The following CADPS2 variants were observed in gnomAD, a reference collection of about 807,000 sequenced individuals.
CADPS2 encodes the protein calcium-dependent secretion activator 2.
A neutral mutation model predicts 172.5 loss-of-function variants in CADPS2; 93 were observed. The observed-to-expected ratio is 0.54, with a 90% confidence interval of 0.46 to 0.64. The LOEUF is 0.64. Among genes scored for constraint, CADPS2 ranks in the 30% least tolerant of loss-of-function variants. The pLI, the probability that CADPS2 is intolerant of heterozygous loss-of-function variation, is 0.00. For missense variants in CADPS2, 1,420 were observed against 1,565.9 expected, an observed-to-expected ratio of 0.91 and a Z score of 1.57; for synonymous variants, 546 against 555.2, an observed-to-expected ratio of 0.98 and a Z score of 0.23.
At chr7:122,759,847 A>G (rs1235626326) in intron 1 of CADPS2, among the ~76,000 whole-genome samples, 2 of 152,138 alleles carry the variant, frequency 1.3e-5, no homozygotes, top group African/African-American at 4.8e-5. Flanking sequence ...AAAACTAGCT[A>G]GCAAAGGAAG....
intron 27 of CADPS2, among the ~76,000 whole-genome samples, chr7:122,352,517 C>T (rs892779563): frequency 1.3e-5 from 2 of 152,150 alleles, no homozygotes; most frequent in African/African-American, 4.8e-5. Flanking sequence ...ACAGACAAAA[C>T]ACAAAGGAAT....
chr7:122,719,324 A>G (rs1157287158), intron 2 of CADPS2, among the ~76,000 whole-genome samples: 1 of 152,108 alleles, frequency 6.6e-6, no homozygotes, highest in Non-Finnish European at 1.5e-5. Flanking sequence ...GAAGTCCCCA[A>G]CACAGCCTTC....
chr7:122,573,486 G>T (rs918708230), intron 7 of CADPS2, among the ~76,000 whole-genome samples: 2 of 152,110 alleles, frequency 1.3e-5, no homozygotes, highest in African/African-American at 4.8e-5. Flanking sequence ...GCTGCAGTAA[G>T]CCATGCTCTC....
intron 3 of CADPS2, among the ~76,000 whole-genome samples, chr7:122,655,426 G>A (rs952382201): frequency 4.6e-5 from 7 of 152,016 alleles, no homozygotes; most frequent in Admixed American, 4.6e-4. Context: ...ACATCAAGGC[G>A]AGACCCTCTA....
intron 17 of CADPS2, chr7:122,427,446 C>CCACAA (rs1274617804): frequency 6.6e-6 from 1 of 152,050 alleles, no homozygotes; most frequent in Non-Finnish European, 1.5e-5. Context: ...ATAAAGAGTA[C>CCACAA]TAAATTTATA....
rs1456831165 is a variant in CADPS2, at chr7:122,319,806, C to G, written c.*359G>C. On this transcript the variant is annotated 3_prime_UTR_variant, in exon 30 of 30. Coordinates refer to ENST00000449022, the MANE Select transcript of CADPS2 (RefSeq NM_017954.11). ...TGCATTATGAGAAATATGTATCTCG[C>G]TTTACACAGAAAACATCATTTTGAT... 2.7e-5 allele frequency: 5 copies of G among 184,304 alleles called. No individual in the cohort carries two copies. Among genetic ancestry groups the G allele is most frequent in the Non-Finnish European group, 5.6e-5 (5 of 89,886 alleles). The allele number at this position is 184,304 out of a possible 1,614,324, so 11.4% of individuals were successfully genotyped here.
chr7:122,784,633 G>C (rs1256010502), intron 1 of CADPS2, among the ~76,000 whole-genome samples: 2 of 152,126 alleles, frequency 1.3e-5, no homozygotes, highest in African/African-American at 2.4e-5. Flanking sequence ...GTGTGTGGAT[G>C]CCCCATCTTC....
chr7:122,864,730 T>A (rs1047654528), intron 1 of CADPS2, among the ~76,000 whole-genome samples: 3 of 152,206 alleles, frequency 2.0e-5, no homozygotes, highest in Admixed American at 6.5e-5. Context: ...GTATACTATT[T>A]AAATTACAAA....
chr7:122,820,078 AT>A (rs1302773701), intron 1 of CADPS2, among the ~76,000 whole-genome samples: 1 of 152,172 alleles, frequency 6.6e-6, no homozygotes, highest in East Asian at 1.9e-4. Context: ...AATCAACCAA[AT>A]TGTTTTGCCT....
At chr7:122,876,211 T>G (rs1821164618) in intron 1 of CADPS2, among the ~76,000 whole-genome samples, 1 of 151,998 alleles carries the variant, frequency 6.6e-6, no homozygotes, top group South Asian at 2.1e-4. Context: ...TCCCAGCTAC[T>G]TGGGAGGCTG....
At chr7:122,689,626 AGG>A in intron 2 of CADPS2, among the ~76,000 whole-genome samples, 1 of 152,332 alleles carries the variant, frequency 6.6e-6, no homozygotes, top group South Asian at 2.1e-4. Flanking sequence ...GGCCACCCTC[AGG>A]TACAGTCCAA....
chr7:122,675,769 T>C (rs1031546292), intron 2 of CADPS2, among the ~76,000 whole-genome samples: 32 of 152,042 alleles, frequency 2.1e-4, no homozygotes, highest in African/African-American at 7.5e-4. Flanking sequence ...AGCTAAACAA[T>C]GAGAACACAT....
chr7:122,431,922 G>A (rs2049978523), intron 17 of CADPS2, among the ~76,000 whole-genome samples: 1 of 141,562 alleles, frequency 7.1e-6, no homozygotes. Flanking sequence ...CTTCATCGGG[G>A]GCGGGGGTGG....
intron 8 of CADPS2, among the ~76,000 whole-genome samples, chr7:122,517,959 A>G (rs909875772): frequency 2.0e-5 from 3 of 151,836 alleles, no homozygotes; most frequent in Admixed American, 1.3e-4. Context: ...TTGAATTACT[A>G]TTCTTTGTTG....
chr7:122,730,173 T>C (rs866052812), intron 2 of CADPS2, among the ~76,000 whole-genome samples: 1 of 151,688 alleles, frequency 6.6e-6, no homozygotes, highest in South Asian at 2.1e-4. Flanking sequence ...AACATGTAAA[T>C]GGGACATAGG....
Position 122,609,054 on chromosome 7 carries a change from C to T in CADPS2, c.1223+6127G>A, listed in dbSNP as rs531528294. ...AAATGACAAAATTAAAAAAGAGGTTCGATATCATGCTAAATGTTTTTCCCT... is the reference window on the plus strand; with the variant it reads ...AAATGACAAAATTAAAAAAGAGGTTTGATATCATGCTAAATGTTTTTCCCT... On this transcript the variant is annotated intron_variant, in intron 6 of 29. Coordinates refer to ENST00000449022, the MANE Select transcript of CADPS2 (RefSeq NM_017954.11). Among the ~76,000 whole-genome samples, 6 of 151,974 alleles carry T rather than the reference C, an allele frequency of 3.9e-5. No individual in the cohort carries two copies. In the East Asian group the frequency reaches 1.2e-3, roughly 29 times the overall value.
At chr7:122,477,711 G>T in intron 12 of CADPS2, among the ~76,000 whole-genome samples, 1 of 152,076 alleles carries the variant, frequency 6.6e-6, no homozygotes, top group East Asian at 1.9e-4. Flanking sequence ...GATGTTAAGG[G>T]ATACATATAG....
chr7:122,379,259 T>C (rs1362340604), intron 25 of CADPS2, 109 bp downstream of exon 25: 1 of 681,190 alleles, frequency 1.5e-6, no homozygotes, highest in East Asian at 3.0e-5. Flanking sequence ...TTTCCTGCCC[T>C]AATCTTTTAA....
chr7:122,543,994 A>G (rs1426942736), intron 8 of CADPS2, among the ~76,000 whole-genome samples: 1 of 152,210 alleles, frequency 6.6e-6, no homozygotes, highest in Non-Finnish European at 1.5e-5. Context: ...TGGTAGAACT[A>G]TCTAGTAAAA....
Sources: gnomAD v4.1 joint callset for allele counts (sites outside exome capture counted in the v4.1 genomes callset) on GRCh38, gnomAD v4.1.1 for gene constraint, MANE v1.5 for transcripts, NCBI Gene and HGNC (gene_info 2026-07-23, HGNC 2026-07-21) for gene names.